MME: variants seen among roughly 807,000 people sequenced by gnomAD.
MME encodes neprilysin.
A neutral mutation model predicts 113.2 loss-of-function variants in MME; 98 were observed. The ratio of observed to expected loss-of-function variants is 0.87; its 90% CI spans 0.74 to 1.02. The LOEUF is 1.02. Among genes scored for constraint, MME ranks in the 50% least tolerant of loss-of-function variants. MME has a pLI of 0.00. For missense variants in MME, 836 were observed against 896.0 expected (o/e 0.93, Z 0.86); for synonymous variants, 292 against 300.6 (o/e 0.97, Z 0.30).
chr3:155,132,117 A>T (rs1045766446), intron 8 of MME, among the ~76,000 whole-genome samples: 1 of 152,200 alleles, frequency 6.6e-6, no homozygotes, highest in African/African-American at 2.4e-5. Context: ...TCCCTGATCC[A>T]TAGGTAGTTG....
chr3:155,057,462 G>T (rs1713972696), intron 1 of MME, among the ~76,000 whole-genome samples: 1 of 151,956 alleles, frequency 6.6e-6, no homozygotes, highest in Non-Finnish European at 1.5e-5. Context: ...TGCTGGAGAG[G>T]ATGTGGAGAA....
At chr3:155,051,238 C>T (rs1287308659) in intron 1 of MME, among the ~76,000 whole-genome samples, 4 of 152,156 alleles carry the variant, frequency 2.6e-5, no homozygotes, top group African/African-American at 9.7e-5. Flanking sequence ...GATCAACCTT[C>T]TCAGCAGAAG....
chr3:155,107,742 A>G (rs1717809047), intron 3 of MME, among the ~76,000 whole-genome samples: 1 of 152,196 alleles, frequency 6.6e-6, no homozygotes. Flanking sequence ...TGGTGAAAAA[A>G]CTTTGAGTCT....
intron 3 of MME, among the ~76,000 whole-genome samples, chr3:155,109,853 T>C (rs1013825137): frequency 6.6e-6 from 1 of 152,246 alleles, no homozygotes; most frequent in Non-Finnish European, 1.5e-5. Flanking sequence ...CATTTTCCAA[T>C]GTGCTCCAAA....
chr3:155,110,992 C>T (rs192579816), intron 3 of MME, among the ~76,000 whole-genome samples: 23 of 152,186 alleles, frequency 1.5e-4, no homozygotes, highest in Middle Eastern at 3.4e-3. Context: ...GATTTTAAAC[C>T]ACATTTGTTT....
At chr3:155,050,639 A>C (rs1235092927) in intron 1 of MME, among the ~76,000 whole-genome samples, 1 of 152,064 alleles carries the variant, frequency 6.6e-6, no homozygotes, top group African/African-American at 2.4e-5. Flanking sequence ...CTTTTGAAAA[A>C]ATGTTTGTTG....
chr3:155,027,632 A>G (rs902176628), intron 1 of MME, among the ~76,000 whole-genome samples: 13 of 152,286 alleles, frequency 8.5e-5, no homozygotes, highest in African/African-American at 3.1e-4. Flanking sequence ...ACTGTTGTTA[A>G]ATTTCTTTGT....
intron 3 of MME, among the ~76,000 whole-genome samples, chr3:155,095,570 G>A (rs1716661677): frequency 6.6e-6 from 1 of 151,784 alleles, no homozygotes; most frequent in African/African-American, 2.4e-5. Context: ...TTTAGAGGCA[G>A]GGTCTCCTTA....
rs201455743 is a variant in MME at position 155,168,571 on chromosome 3, G to A, written c.1860G>A (p.Gln620=). 1 of 1,613,858 alleles carries A rather than the reference G, an allele frequency of 6.2e-7. No individual in the cohort carries two copies. The highest frequency in any genetic ancestry group is 1.3e-5 in the African/African-American group (1 of 75,042). ...CAAGTAACTTTAAGGAGCAATCCCA[G>A]TGCATGGTGTATCAGTATGGAAACT... ...QSASNFKEQS[Q]CMVYQYGNFS... is the part of the protein sequence containing the mutation. Residue 620 remains glutamine (Q), a synonymous_variant, in exon 19 of 23, where the codon CAG becomes CAA. Coordinates refer to ENST00000360490, the MANE Select transcript of MME (RefSeq NM_007289.4).
At chr3:155,109,885 G>T (rs774836665) in intron 3 of MME, among the ~76,000 whole-genome samples, 2 of 152,198 alleles carry the variant, frequency 1.3e-5, no homozygotes, top group Non-Finnish European at 2.9e-5. Context: ...CAGGAACCCT[G>T]CTACATGGCC....
At chr3:155,160,776 ATATTGACTT>A (rs1459016775) in intron 17 of MME, among the ~76,000 whole-genome samples, 1 of 152,036 alleles carries the variant, frequency 6.6e-6, no homozygotes, top group Non-Finnish European at 1.5e-5. Flanking sequence ...ATATAAAGTC[ATATTGACTT>A]TAAGACTCAT....
At chr3:155,091,195 G>A (rs533704216) in intron 3 of MME, among the ~76,000 whole-genome samples, 1 of 152,332 alleles carries the variant, frequency 6.6e-6, no homozygotes, top group East Asian at 1.9e-4. Context: ...TTTGCTTTGT[G>A]TGGCTTCCCT....
intron 3 of MME, among the ~76,000 whole-genome samples, chr3:155,113,846 T>G (rs1372423150): frequency 6.6e-6 from 1 of 152,172 alleles, no homozygotes; most frequent in African/African-American, 2.4e-5. Flanking sequence ...TGCTGTATAC[T>G]AAGGCATACA....
chr3:155,180,375 G>T lies in MME; in HGVS notation c.2169G>T (p.Leu723Phe). ...TGTTTCAAAGGATTATTGGGACTTT[G>T]CAGAACTCTGCAGAGTTTTCAGAAG... ...SPGNFRIIGTLQNSAEFSEAF... is the reference protein window; with the variant it reads ...SPGNFRIIGTFQNSAEFSEAF... Residue 723 changes from leucine to phenylalanine, a missense_variant, in exon 23 of 23, where the codon TTG becomes TTT. Coordinates refer to ENST00000360490, the MANE Select transcript of MME (RefSeq NM_007289.4). The T allele has an allele frequency of 6.2e-7, 1 of 1,613,414 alleles. No individual in the cohort carries two copies. Among genetic ancestry groups the T allele is most frequent in the Non-Finnish European group, 8.5e-7 (1 of 1,179,438 alleles).
intron 1 of MME, among the ~76,000 whole-genome samples, chr3:155,025,328 T>C (rs1201840471): frequency 6.6e-6 from 1 of 152,088 alleles, no homozygotes; most frequent in Non-Finnish European, 1.5e-5. Flanking sequence ...AAATGAATTC[T>C]GGAGAACTAG....
At chr3:155,148,865 T>A (rs967557994) in intron 16 of MME, among the ~76,000 whole-genome samples, 1 of 152,176 alleles carries the variant, frequency 6.6e-6, no homozygotes, top group African/African-American at 2.4e-5. Flanking sequence ...CATTAAGGTA[T>A]CCTCAAATTT....
At chr3:155,079,689 G>A (rs770101542), upstream of MME, 216 of 152,460 alleles carry the variant, frequency 1.4e-3, no homozygotes, top group Non-Finnish European at 2.5e-3. Flanking sequence ...TGCAAGTGGC[G>A]AAGCTTGACC....
chr3:155,128,032 A>G (rs1341136938), intron 8 of MME, among the ~76,000 whole-genome samples: 1 of 152,198 alleles, frequency 6.6e-6, no homozygotes, highest in Admixed American at 6.5e-5. Context: ...ATAACTATGT[A>G]CTTTTGGTGA....
At chr3:155,078,550 A>C (rs1380154738), upstream of MME, among the ~76,000 whole-genome samples, 1 of 152,102 alleles carries the variant, frequency 6.6e-6, no homozygotes, top group African/African-American at 2.4e-5. Context: ...TTTTTAGCAC[A>C]AGGGGACTCT....
Sources: gnomAD v4.1 joint callset for allele counts (sites outside exome capture counted in the v4.1 genomes callset) on GRCh38, gnomAD v4.1.1 for gene constraint, MANE v1.5 for transcripts, NCBI Gene and HGNC (gene_info 2026-07-23, HGNC 2026-07-21) for gene names.